ZC3H12B: variants seen among roughly 807,000 people sequenced by gnomAD.
ZC3H12B encodes the protein zinc finger CCCH-type containing 12B.
A neutral mutation model predicts 43.9 loss-of-function variants in ZC3H12B; 7 were observed. That is an observed-to-expected ratio of 0.16 (90% confidence interval 0.09 to 0.30). The LOEUF is 0.30. Among genes scored for constraint, ZC3H12B ranks in the 10% least tolerant of loss-of-function variants. The pLI, the probability that ZC3H12B is intolerant of heterozygous loss-of-function variation, is 1.00. For synonymous variants in ZC3H12B, 222 were observed against 241.7 expected (o/e 0.92, Z 0.76); for missense variants, 475 against 670.2 (o/e 0.71, Z 3.22).
the ZC3H12B span, among the ~76,000 whole-genome samples, chrX:65,141,905 C>T: frequency 1.4e-3 from 159 of 111,654 alleles, no homozygotes; most frequent in African/African-American, 4.9e-3. Flanking sequence ...TTTCTTTATC[C>T]ACTTGATTGA....
At chrX:65,484,129 G>A (rs1330565341), upstream of ZC3H12B, among the ~76,000 whole-genome samples, 1 of 111,565 alleles carries the variant, frequency 9.0e-6, no homozygotes, top group Non-Finnish European at 1.9e-5. Context: ...GGGATTGCTG[G>A]GTCAAATGGT....
the ZC3H12B span, among the ~76,000 whole-genome samples, chrX:65,351,169 A>C: frequency 1.8e-5 from 2 of 111,559 alleles, no homozygotes; most frequent in Non-Finnish European, 3.8e-5. Flanking sequence ...ATAACACCAC[A>C]CATCTACAAC....
At chrX:65,152,070 T>TGTA in the ZC3H12B span, among the ~76,000 whole-genome samples, 1 of 111,779 alleles carries the variant, frequency 8.9e-6, no homozygotes, top group Non-Finnish European at 1.9e-5. Context: ...TAGGTATTGA[T>TGTA]GGGATGTATC....
the ZC3H12B span, among the ~76,000 whole-genome samples, chrX:65,054,742 T>C: frequency 2.7e-5 from 3 of 111,778 alleles, no homozygotes; most frequent in Admixed American, 2.8e-4. Flanking sequence ...TTCCATTTTT[T>C]TGTATCCTCT....
At chrX:65,490,379 GAA>G (rs1032989325) in intron 1 of ZC3H12B, among the ~76,000 whole-genome samples, 6 of 54,990 alleles carry the variant, frequency 1.1e-4, no homozygotes, top group East Asian at 6.1e-4. Flanking sequence ...ACTGTTTCAG[GAA>G]AAAAAAAAAA....
the ZC3H12B span, among the ~76,000 whole-genome samples, chrX:65,120,692 A>G: frequency 9.0e-6 from 1 of 111,399 alleles, no homozygotes; most frequent in African/African-American, 3.3e-5. Context: ...TATGTTGAAT[A>G]GGAGTGGTGA....
the ZC3H12B span, among the ~76,000 whole-genome samples, chrX:65,166,074 C>G: frequency 2.7e-5 from 3 of 110,694 alleles, no homozygotes; most frequent in South Asian, 3.8e-4. Flanking sequence ...ACTTTAAGTT[C>G]TAGGGTACAT....
chrX:65,137,413 G>C, the ZC3H12B span, among the ~76,000 whole-genome samples: 87 of 111,963 alleles, frequency 7.8e-4, no homozygotes, highest in Non-Finnish European at 1.3e-3. Context: ...TGCTATCTCT[G>C]ACCTTGATAC....
intron 2 of ZC3H12B, among the ~76,000 whole-genome samples, chrX:65,371,825 TAAG>T (rs1281800891): frequency 2.7e-5 from 3 of 111,741 alleles, no homozygotes; most frequent in Non-Finnish European, 5.6e-5. Flanking sequence ...GAACGGGATA[TAAG>T]AAGATGTCAA....
At chrX:65,124,828 A>C in the ZC3H12B span, among the ~76,000 whole-genome samples, 1 of 110,802 alleles carries the variant, frequency 9.0e-6, no homozygotes, top group Non-Finnish European at 1.9e-5. Context: ...TATCAGTTTT[A>C]ATATCTCCCA....
intron 3 of ZC3H12B, among the ~76,000 whole-genome samples, chrX:65,467,021 G>A (rs1453934420): frequency 4.4e-5 from 4 of 89,925 alleles, no homozygotes; most frequent in Admixed American, 2.7e-4. Flanking sequence ...ATTGTATAGT[G>A]GTGAAGTCTG....
the ZC3H12B span, among the ~76,000 whole-genome samples, chrX:65,038,522 T>G: frequency 1.8e-5 from 2 of 111,769 alleles, no homozygotes; most frequent in Non-Finnish European, 3.8e-5. Flanking sequence ...TCATTTTTGC[T>G]AAGTAACTAT....
chrX:65,237,112 C>T, the ZC3H12B span, among the ~76,000 whole-genome samples: 5 of 111,850 alleles, frequency 4.5e-5, no homozygotes, highest in African/African-American at 1.6e-4. Context: ...GTGGGAATAG[C>T]ATTGGATGTA....
chrX:65,209,955 C>T, the ZC3H12B span, among the ~76,000 whole-genome samples: 9 of 88,061 alleles, frequency 1.0e-4, no homozygotes, highest in Non-Finnish European at 1.2e-4. Flanking sequence ...GACCTAAAAC[C>T]ATAAAAACCC....
the ZC3H12B span, among the ~76,000 whole-genome samples, chrX:65,128,569 C>T: frequency 9.0e-6 from 1 of 111,326 alleles, no homozygotes; most frequent in Non-Finnish European, 1.9e-5. Context: ...TTGATTAATT[C>T]CTGTTGGTTT....
chrX:65,100,566 CAAAAAAAA>C, the ZC3H12B span, among the ~76,000 whole-genome samples: 4 of 4,531 alleles, frequency 8.8e-4, no homozygotes, highest in African/African-American at 1.7e-3. Flanking sequence ...AAAGATAAAG[CAAAAAAAA>C]AAAAAAAAAA....
At chrX:65,364,628 TCTC>T (rs2066149657), upstream of ZC3H12B, among the ~76,000 whole-genome samples, 1 of 110,580 alleles carries the variant, frequency 9.0e-6, no homozygotes, top group South Asian at 3.8e-4. Flanking sequence ...AAGGAAAATA[TCTC>T]CTTCCAGCCT....
the ZC3H12B span, among the ~76,000 whole-genome samples, chrX:65,062,855 C>A: frequency 9.0e-6 from 1 of 111,730 alleles, no homozygotes; most frequent in South Asian, 3.7e-4. Flanking sequence ...GTTTGTAGTT[C>A]TCCTTGAAGA....
chrX:65,349,391 A>T, the ZC3H12B span, among the ~76,000 whole-genome samples: 1 of 112,334 alleles, frequency 8.9e-6, no homozygotes, highest in African/African-American at 3.2e-5. Flanking sequence ...TTATAGCACT[A>T]AATGCCCACA....
Sources: gnomAD v4.1 joint callset for allele counts (sites outside exome capture counted in the v4.1 genomes callset) on GRCh38, gnomAD v4.1.1 for gene constraint, MANE v1.5 for transcripts, NCBI Gene and HGNC (gene_info 2026-07-23, HGNC 2026-07-21) for gene names.